The following DYNC1I1 variants were observed in gnomAD, a reference collection of about 807,000 sequenced individuals.
The protein encoded by DYNC1I1 is cytoplasmic dynein 1 intermediate chain 1.
Under a neutral mutation model 86.6 loss-of-function variants are expected in DYNC1I1, and 43 were observed. The observed-to-expected ratio is 0.50, with a 90% CI of 0.39 to 0.64. The LOEUF (loss-of-function observed/expected upper bound fraction) is 0.64, where lower values mean the gene tolerates loss of function less well. Ranked by LOEUF, DYNC1I1 falls within the 30% of genes least tolerant of loss-of-function variation. The probability of loss-of-function intolerance (pLI) is 0.00; values close to 1 mark genes in which losing one functional copy is unlikely to be tolerated. For missense variants in DYNC1I1, 604 were observed against 788.8 expected (o/e 0.77, Z 2.81); for synonymous variants, 262 against 283.7 (o/e 0.92, Z 0.77).
chr7:95,858,618 C>A (rs1789789280), intron 5 of DYNC1I1, among the ~76,000 whole-genome samples: 1 of 151,936 alleles, frequency 6.6e-6, no homozygotes, highest in Non-Finnish European at 1.5e-5. Context: ...GTGTAATGTA[C>A]TGCAGTATGA....
intron 14 of DYNC1I1, among the ~76,000 whole-genome samples, chr7:96,062,086 T>C (rs1789798350): frequency 6.6e-6 from 1 of 152,218 alleles, no homozygotes; most frequent in African/African-American, 2.4e-5. Context: ...TGTTGAAACA[T>C]GATTTTTAGT....
chr7:95,861,161 T>C (rs1789867377), intron 5 of DYNC1I1, among the ~76,000 whole-genome samples: 1 of 152,094 alleles, frequency 6.6e-6, no homozygotes, highest in Admixed American at 6.6e-5. Flanking sequence ...CCACCTTATC[T>C]ACCTCTACTC....
intron 14 of DYNC1I1, among the ~76,000 whole-genome samples, chr7:96,046,855 G>A (rs569856981): frequency 1.3e-5 from 2 of 152,280 alleles, no homozygotes; most frequent in Non-Finnish European, 1.5e-5. Context: ...GGGAGGAGTG[G>A]GCTTGGGTTA....
At chr7:96,058,688 G>A (rs964541569) in intron 14 of DYNC1I1, among the ~76,000 whole-genome samples, 7 of 152,018 alleles carry the variant, frequency 4.6e-5, no homozygotes, top group Non-Finnish European at 7.4e-5. Context: ...AGTTTGGAGT[G>A]CAGCAGTGCG....
chr7:95,871,352 G>T (rs1325576944), intron 6 of DYNC1I1, among the ~76,000 whole-genome samples: 1 of 152,142 alleles, frequency 6.6e-6, no homozygotes. Context: ...TACAGTTAGC[G>T]AGGGGGAAAG....
At chr7:95,945,700 G>GTA (rs10581409) in intron 6 of DYNC1I1, among the ~76,000 whole-genome samples, 2 of 151,734 alleles carry the variant, frequency 1.3e-5, no homozygotes, top group African/African-American at 2.4e-5. Flanking sequence ...AAAAATATAT[G>GTA]TATATATATC....
At chr7:95,838,294 G>A (rs1789174591) in intron 5 of DYNC1I1, among the ~76,000 whole-genome samples, 1 of 152,084 alleles carries the variant, frequency 6.6e-6, no homozygotes, top group South Asian at 2.1e-4. Context: ...GAATTGAAGA[G>A]ACTATCATTT....
chr7:96,103,249 T>G (rs1421646097), downstream of DYNC1I1, among the ~76,000 whole-genome samples: 1 of 152,214 alleles, frequency 6.6e-6, no homozygotes, highest in Non-Finnish European at 1.5e-5. Flanking sequence ...TACAGCTAGC[T>G]ACTTTATACC....
rs1789820898 is a variant in DYNC1I1 at position 95,859,589 on chromosome 7, C to CA, written c.375-10293dup. 2.0e-5 allele frequency among the ~76,000 whole-genome samples: 3 copies of CA among 151,874 alleles called. No individual in the cohort carries two copies. The South Asian group carries it at 6.2e-4, about 32-fold the overall frequency. On this transcript the variant is annotated intron_variant, in intron 5 of 16. Transcript: ENST00000447467. ...GTATGCATGAAGCCTGAGGCGGCTT[C>CA]AGCAGGCTGAAAGCCTTTGGCAGCT...
chr7:96,002,104 G>C (rs555200438), intron 10 of DYNC1I1, among the ~76,000 whole-genome samples: 106 of 152,158 alleles, frequency 7.0e-4, no homozygotes, highest in African/African-American at 2.5e-3. Context: ...ACCCACCATG[G>C]CCAGGCCCTC....
Position 96,028,310 on chromosome 7 carries a change from G to A in DYNC1I1, c.1105G>A (p.Ala369Thr). 6.2e-7 allele frequency: 1 copy of A among 1,609,314 alleles called. No individual in the cohort carries two copies. Among genetic ancestry groups the A allele is most frequent in the Non-Finnish European group, 8.5e-7 (1 of 1,176,242 alleles). The change falls in exon 11 of 17, where the codon GCT becomes ACT. Residue 369 changes from alanine (A) to threonine (T), a missense_variant. Coordinates refer to ENST00000447467, the MANE Select transcript of DYNC1I1 (RefSeq NM_001135556.2). ...TPVQRTPLSAAAHTHPVYCVN... is the reference protein window; with the variant it reads ...TPVQRTPLSATAHTHPVYCVN... ...AGTGCAGCGGACACCCTTATCAGCT[G>A]CTGCACACACGGTAATGCAAACTTT... is the stretch of plus-strand genomic sequence containing the variant.
chr7:95,900,261 T>A (rs1254907729), intron 6 of DYNC1I1, among the ~76,000 whole-genome samples: 2 of 152,162 alleles, frequency 1.3e-5, no homozygotes, highest in Non-Finnish European at 2.9e-5. Flanking sequence ...CTTACTTCCT[T>A]CTTGTGACAT....
intron 6 of DYNC1I1, among the ~76,000 whole-genome samples, chr7:95,934,477 C>T (rs754451519): frequency 6.6e-6 from 1 of 152,136 alleles, no homozygotes; most frequent in Non-Finnish European, 1.5e-5. Flanking sequence ...TGAAACAACT[C>T]ATTGAAAACC....
downstream of DYNC1I1, among the ~76,000 whole-genome samples, chr7:96,102,209 G>T (rs1791146806): frequency 6.6e-6 from 1 of 152,110 alleles, no homozygotes; most frequent in Non-Finnish European, 1.5e-5. Context: ...TTACAATTTT[G>T]CCTTGGGGCT....
At chr7:95,807,568 C>T (rs1211545690) in intron 2 of DYNC1I1, among the ~76,000 whole-genome samples, 1 of 152,094 alleles carries the variant, frequency 6.6e-6, no homozygotes, top group East Asian at 1.9e-4. Flanking sequence ...CTTACATATA[C>T]CCTGATGGAC....
chr7:96,092,258 A>G (rs926688960), intron 16 of DYNC1I1, among the ~76,000 whole-genome samples: 2 of 152,232 alleles, frequency 1.3e-5, no homozygotes, highest in Non-Finnish European at 2.9e-5. Flanking sequence ...AAATAAAAAA[A>G]TTGGAAGAAA....
chr7:95,947,817 G>T (rs1792443518), intron 6 of DYNC1I1, among the ~76,000 whole-genome samples: 1 of 152,158 alleles, frequency 6.6e-6, no homozygotes, highest in Non-Finnish European at 1.5e-5. Context: ...GAAAAGAGGT[G>T]AAAAACACCT....
intron 14 of DYNC1I1, among the ~76,000 whole-genome samples, chr7:96,058,345 C>T (rs1285138366): frequency 3.3e-5 from 5 of 152,224 alleles, no homozygotes; most frequent in African/African-American, 9.6e-5. Context: ...TCATAGCCTA[C>T]ATCTTACTAC....
At chr7:95,886,778 C>G (rs1562933798) in intron 6 of DYNC1I1, among the ~76,000 whole-genome samples, 1 of 152,148 alleles carries the variant, frequency 6.6e-6, no homozygotes, top group Non-Finnish European at 1.5e-5. Flanking sequence ...AAAGACATTT[C>G]AGTTTTATCT....
Sources: gnomAD v4.1 joint callset for allele counts (sites outside exome capture counted in the v4.1 genomes callset) on GRCh38, gnomAD v4.1.1 for gene constraint, MANE v1.5 for transcripts, NCBI Gene and HGNC (gene_info 2026-07-23, HGNC 2026-07-21) for gene names.